FHIT: variants seen among roughly 807,000 people sequenced by gnomAD.
The protein encoded by FHIT is bis(5'-adenosyl)-triphosphatase.
FHIT carries 19 observed loss-of-function variants against 17.9 expected under a neutral mutation model. The observed-to-expected ratio is 1.06, with a 90% CI of 0.74 to 1.56. The LOEUF is 1.56. Among genes scored for constraint, FHIT ranks in the 40% most tolerant of loss-of-function variants. FHIT has a pLI of 0.00. For missense variants in FHIT, 248 were observed against 189.2 expected (o/e 1.31, Z -1.82); for synonymous variants, 81 against 69.7 (o/e 1.16, Z -0.81).
chr3:60,237,294 G>A (rs1440967060), intron 5 of FHIT, among the ~76,000 whole-genome samples: 1 of 116,694 alleles, frequency 8.6e-6, no homozygotes, highest in African/African-American at 3.5e-5. Context: ...TTAATCTGAT[G>A]ATAGCACCTA....
intron 1 of FHIT, among the ~76,000 whole-genome samples, chr3:61,240,091 G>A (rs1045389765): frequency 8.5e-5 from 13 of 152,106 alleles, no homozygotes; most frequent in Non-Finnish European, 1.8e-4. Context: ...CAAGAGGCTA[G>A]AGGAAGCCTT....
chr3:60,793,423 C>A (rs1575531916), intron 4 of FHIT, among the ~76,000 whole-genome samples: 1 of 152,128 alleles, frequency 6.6e-6, no homozygotes, highest in Non-Finnish European at 1.5e-5. Flanking sequence ...CTACCTCAGC[C>A]ACCCTAGTGG....
intron 5 of FHIT, among the ~76,000 whole-genome samples, chr3:60,106,966 C>T (rs1704445776): frequency 1.3e-5 from 2 of 151,972 alleles, no homozygotes; most frequent in South Asian, 2.1e-4. Context: ...TTATTGTAAG[C>T]CTTCCCATTG....
At chr3:59,922,277 C>T in intron 8 of FHIT, 69 bp downstream of exon 8, 1 of 1,258,106 alleles carries the variant, frequency 7.9e-7, no homozygotes, top group South Asian at 1.2e-5. Context: ...ATACTTGATT[C>T]ATTAGGTTGA....
chr3:60,867,283 A>G (rs528449128), intron 3 of FHIT, among the ~76,000 whole-genome samples: 1 of 152,348 alleles, frequency 6.6e-6, no homozygotes, highest in South Asian at 2.1e-4. Flanking sequence ...TGCAAAAAAT[A>G]TAGCTTGTCT....
intron 4 of FHIT, among the ~76,000 whole-genome samples, chr3:60,783,940 T>C (rs1468977492): frequency 6.6e-6 from 1 of 152,186 alleles, no homozygotes; most frequent in African/African-American, 2.4e-5. Context: ...ATTTCCTTAA[T>C]ATTTTACAAA....
chr3:60,963,339 G>T (rs1405654493), intron 3 of FHIT, among the ~76,000 whole-genome samples: 1 of 151,996 alleles, frequency 6.6e-6, no homozygotes, highest in African/African-American at 2.4e-5. Flanking sequence ...TATTAGTCTT[G>T]CTAGTGGTCT....
chr3:60,327,939 C>T lies in FHIT; in HGVS notation c.103+208921G>A, dbSNP rs560823749. ...GAGCAAGAGCAGGAGGTCATGGCAT[C>T]CCTCAAAGGGCAAGGGGAGGCCACA... On this transcript the variant is annotated intron_variant, in intron 5 of 9. Transcript: ENST00000492590. Among the ~76,000 whole-genome samples the T allele has an allele frequency of 2.6e-5, 4 of 152,272 alleles. No individual in the cohort carries two copies. In the South Asian group the frequency reaches 8.3e-4, roughly 32 times the overall value.
intron 5 of FHIT, among the ~76,000 whole-genome samples, chr3:60,037,407 G>C (rs1196676366): frequency 2.2e-5 from 2 of 89,652 alleles, no homozygotes; most frequent in African/African-American, 8.8e-5. Context: ...TTTTTTTTTT[G>C]AGACGGAGTC....
At chr3:60,161,231 T>C (rs1277647045) in intron 5 of FHIT, among the ~76,000 whole-genome samples, 1 of 152,214 alleles carries the variant, frequency 6.6e-6, no homozygotes, top group African/African-American at 2.4e-5. Context: ...GCCAACTGCG[T>C]TGTCCCTATG....
At chr3:59,840,299 T>C (rs928774090) in intron 8 of FHIT, among the ~76,000 whole-genome samples, 18 of 151,534 alleles carry the variant, frequency 1.2e-4, no homozygotes, top group African/African-American at 4.4e-4. Context: ...CTCAGACACC[T>C]ATAGGGGCCC....
rs146820333 is a variant in FHIT at position 59,865,431 on chromosome 3, C to A, written c.348+56915G>T. 5.9e-5 allele frequency among the ~76,000 whole-genome samples: 9 copies of A among 152,342 alleles called. No individual in the cohort carries two copies. In the South Asian group the frequency reaches 1.7e-3, roughly 28 times the overall value. ...TAACGTAAGCCTTGTCAGTGTTAATCCTAATGTCTGATGCTGAGATGTGTG... is the reference window on the plus strand; with the variant it reads ...TAACGTAAGCCTTGTCAGTGTTAATACTAATGTCTGATGCTGAGATGTGTG... On this transcript the variant is annotated intron_variant, in intron 8 of 9. Transcript: ENST00000492590.
intron 8 of FHIT, among the ~76,000 whole-genome samples, chr3:59,807,621 G>A (rs562385813): frequency 1.3e-5 from 2 of 152,078 alleles, no homozygotes; most frequent in Admixed American, 6.5e-5. Flanking sequence ...CATATTCCTC[G>A]GCAGCAGTAT....
At chr3:60,700,408 A>T (rs1256359903) in intron 4 of FHIT, among the ~76,000 whole-genome samples, 5 of 152,188 alleles carry the variant, frequency 3.3e-5, no homozygotes, top group African/African-American at 9.7e-5. Flanking sequence ...TATCATGGAC[A>T]TGCTGGACAT....
chr3:60,104,039 C>T (rs1289776898), intron 5 of FHIT, among the ~76,000 whole-genome samples: 1 of 152,180 alleles, frequency 6.6e-6, no homozygotes, highest in Non-Finnish European at 1.5e-5. Context: ...AAGTCTGTGA[C>T]CCCTACATGA....
intron 2 of FHIT, among the ~76,000 whole-genome samples, chr3:61,133,702 A>C (rs2036828530): frequency 6.6e-6 from 1 of 152,186 alleles, no homozygotes; most frequent in African/African-American, 2.4e-5. Flanking sequence ...AGCCAGAGGT[A>C]GAATCCAAGC....
chr3:59,909,758 A>G (rs1421163699), intron 8 of FHIT, among the ~76,000 whole-genome samples: 1 of 152,256 alleles, frequency 6.6e-6, no homozygotes, highest in Non-Finnish European at 1.5e-5. Context: ...AACAACTGCC[A>G]GTAAATATTG....
intron 7 of FHIT, among the ~76,000 whole-genome samples, chr3:59,997,601 T>C (rs1035444511): frequency 6.6e-6 from 1 of 152,154 alleles, no homozygotes; most frequent in East Asian, 1.9e-4. Flanking sequence ...GAAACACACA[T>C]TGTCAGTATG....
intron 2 of FHIT, among the ~76,000 whole-genome samples, chr3:61,163,920 C>T (rs2037764528): frequency 6.6e-6 from 1 of 152,050 alleles, no homozygotes; most frequent in Non-Finnish European, 1.5e-5. Context: ...ATTAACCTGG[C>T]AATGGAAAAG....
Sources: gnomAD v4.1 joint callset for allele counts (sites outside exome capture counted in the v4.1 genomes callset) on GRCh38, gnomAD v4.1.1 for gene constraint, MANE v1.5 for transcripts, NCBI Gene and HGNC (gene_info 2026-07-23, HGNC 2026-07-21) for gene names.